DBX2: variants seen among roughly 807,000 people sequenced by gnomAD.
The protein encoded by DBX2 is developing brain homeobox 2.
Under a neutral mutation model 17.7 loss-of-function variants are expected in DBX2, and 16 were observed. The ratio of observed to expected loss-of-function variants is 0.90; its 90% confidence interval spans 0.61 to 1.37. The LOEUF (loss-of-function observed/expected upper bound fraction) is 1.37, where lower values mean the gene tolerates loss of function less well. Ranked by LOEUF, DBX2 falls within the 40% of genes most tolerant of loss-of-function variation. The probability of loss-of-function intolerance (pLI) is 0.00; values close to 1 mark genes in which losing one functional copy is unlikely to be tolerated. For synonymous variants in DBX2, 255 were observed against 183.8 expected (o/e 1.39, Z -3.13); for missense variants, 538 against 433.8 (o/e 1.24, Z -2.13).
intron 1 of DBX2, among the ~76,000 whole-genome samples, chr12:45,043,006 T>C (rs1429986287): frequency 6.6e-6 from 1 of 152,202 alleles, no homozygotes; most frequent in Non-Finnish European, 1.5e-5. Flanking sequence ...GCTCTTTTTA[T>C]TATAAAGTCT....
chr12:45,017,366 T>TA (rs1480660897), intron 3 of DBX2, among the ~76,000 whole-genome samples: 1 of 152,116 alleles, frequency 6.6e-6, no homozygotes, highest in East Asian at 1.9e-4. Flanking sequence ...TTTCACATGT[T>TA]AAAAAAACTG....
chr12:45,045,463 A>T (rs1330145015), intron 1 of DBX2, among the ~76,000 whole-genome samples: 1 of 152,230 alleles, frequency 6.6e-6, no homozygotes, highest in Non-Finnish European at 1.5e-5. Flanking sequence ...GATTAAACAG[A>T]AATCATGCAT....
At chr12:45,024,199 T>C (rs1393369293) in intron 2 of DBX2, among the ~76,000 whole-genome samples, 1 of 152,148 alleles carries the variant, frequency 6.6e-6, no homozygotes, top group African/African-American at 2.4e-5. Flanking sequence ...GAGGGGCTTT[T>C]CCCCACTTTG....
At position 45,050,511 on chromosome 12, in the gene DBX2, G is replaced by A. The variant is rs1258228268; in HGVS notation, c.403+14C>T. On this transcript the variant is annotated intron_variant, in intron 1 of 3. Transcript: ENST00000332700. ...CGCGGGCGCGGCTGGGGAGGGAGGG[G>A]AGAGCTGGCTCACCTGGCGCTGAAG... 2 of 1,548,198 alleles carry A rather than the reference G, an allele frequency of 1.3e-6. No homozygotes were observed. The highest frequency in any genetic ancestry group is 1.2e-5 in the South Asian group (1 of 83,988).
At chr12:45,041,522 C>A (rs1415859317) in intron 1 of DBX2, among the ~76,000 whole-genome samples, 1 of 152,130 alleles carries the variant, frequency 6.6e-6, no homozygotes, top group Non-Finnish European at 1.5e-5. Flanking sequence ...TAATTGCAAA[C>A]CTTGCCTTCA....
chr12:45,024,542 T>C (rs918717966), intron 2 of DBX2, among the ~76,000 whole-genome samples: 3 of 152,240 alleles, frequency 2.0e-5, no homozygotes, highest in Non-Finnish European at 4.4e-5. Context: ...ACGGATTAAG[T>C]AGTAGGTGGT....
At chr12:45,050,162 G>A (rs376799238) in intron 1 of DBX2, among the ~76,000 whole-genome samples, 1 of 152,200 alleles carries the variant, frequency 6.6e-6, no homozygotes, top group Non-Finnish European at 1.5e-5. Flanking sequence ...GGACCGGGCA[G>A]GTTAGAAACG....
chr12:45,033,867 A>G (rs1282837834), intron 2 of DBX2, among the ~76,000 whole-genome samples: 2 of 152,196 alleles, frequency 1.3e-5, no homozygotes, highest in African/African-American at 4.8e-5. Flanking sequence ...GATAAACACT[A>G]TAATTTACAA....
At chr12:45,032,856 T>G (rs1241369772) in intron 2 of DBX2, among the ~76,000 whole-genome samples, 1 of 152,230 alleles carries the variant, frequency 6.6e-6, no homozygotes, top group Non-Finnish European at 1.5e-5. Flanking sequence ...TTTACATCAT[T>G]AAGATTCCTA....
intron 1 of DBX2, among the ~76,000 whole-genome samples, chr12:45,044,230 C>CT (rs35086345): frequency 1.3e-5 from 2 of 151,926 alleles, no homozygotes; most frequent in East Asian, 1.9e-4. Context: ...ATCAGATGGT[C>CT]TTTTTTTGTT....
At chr12:45,050,405 AG>A (rs1239632224) in intron 1 of DBX2, 119 bp downstream of exon 1, 34 of 1,361,198 alleles carry the variant, frequency 2.5e-5, no homozygotes, top group East Asian at 1.1e-4. Flanking sequence ...GAGATGCTCC[AG>A]GAAGTTCCCA....
chr12:45,046,239 T>C (rs979202680), intron 1 of DBX2, among the ~76,000 whole-genome samples: 2 of 152,154 alleles, frequency 1.3e-5, no homozygotes, highest in African/African-American at 4.8e-5. Flanking sequence ...GTAAAAGTTA[T>C]TAATATGTTA....
At chr12:45,026,725 C>T (rs1946383376) in intron 2 of DBX2, among the ~76,000 whole-genome samples, 1 of 152,190 alleles carries the variant, frequency 6.6e-6, no homozygotes, top group Non-Finnish European at 1.5e-5. Context: ...AATTCATTCT[C>T]ACTCTGCAAA....
chr12:45,016,565 C>T lies in DBX2; in HGVS notation c.741G>A (p.Lys247=), dbSNP rs1417560241. The change falls in exon 4 of 4, where the codon AAG becomes AAA. Residue 247 remains lysine, a synonymous_variant. Coordinates refer to ENST00000332700, the MANE Select transcript of DBX2 (RefSeq NM_001004329.3). ...GGATACACCTGTTGGAAAGCACTTCCTTTTCTTTGGAATTCCGCCATTTCA... is the reference window on the plus strand; with the variant it reads ...GGATACACCTGTTGGAAAGCACTTCTTTTTCTTTGGAATTCCGCCATTTCA... ...RRMKWRNSKE[K]EVLSNRCIQE... is the part of the protein sequence containing the mutation. 1.3e-6 allele frequency: 2 copies of T among 1,565,788 alleles called. No individual in the cohort carries two copies. The highest frequency in any genetic ancestry group is 1.7e-6 in the Non-Finnish European group (2 of 1,160,006).
intron 1 of DBX2, among the ~76,000 whole-genome samples, chr12:45,038,253 T>A (rs1319747903): frequency 6.6e-6 from 1 of 151,808 alleles, no homozygotes; most frequent in Admixed American, 6.6e-5. Flanking sequence ...ATTCTATAAA[T>A]AATAAAATGA....
At chr12:45,039,789 A>T (rs1369574251) in intron 1 of DBX2, among the ~76,000 whole-genome samples, 7 of 152,210 alleles carry the variant, frequency 4.6e-5, no homozygotes, top group African/African-American at 1.7e-4. Context: ...GCCATGAGGG[A>T]TAGAGATTTC....
At chr12:45,025,133 A>G (rs1946374624) in intron 2 of DBX2, among the ~76,000 whole-genome samples, 2 of 152,242 alleles carry the variant, frequency 1.3e-5, no homozygotes, top group South Asian at 2.1e-4. Flanking sequence ...CAAATAGATT[A>G]AAGTTGCTAA....
intron 1 of DBX2, among the ~76,000 whole-genome samples, chr12:45,040,972 A>G (rs1031766143): frequency 6.6e-6 from 1 of 151,526 alleles, no homozygotes; most frequent in Non-Finnish European, 1.5e-5. Flanking sequence ...AATTTCAGGA[A>G]CCACTGCATT....
At chr12:45,021,765 T>C (rs1027975163) in intron 3 of DBX2, among the ~76,000 whole-genome samples, 2 of 152,160 alleles carry the variant, frequency 1.3e-5, no homozygotes, top group Non-Finnish European at 2.9e-5. Flanking sequence ...TTTGCAGAGA[T>C]GGGGATCAAC....
Sources: allele counts gnomAD v4.1 joint callset (sites outside exome capture counted in the v4.1 genomes callset), GRCh38; gene constraint gnomAD v4.1.1; transcripts MANE v1.5; gene names NCBI Gene and HGNC (gene_info 2026-07-23, HGNC 2026-07-21).